Variants in MRTFA observed in about 807,000 individuals in gnomAD.
MRTFA encodes myocardin related transcription factor A.
Under a neutral mutation model 83.5 loss-of-function variants are expected in MRTFA, and 20 were observed. The ratio of observed to expected loss-of-function variants is 0.24; its 90% CI spans 0.17 to 0.35. The LOEUF is 0.35. Ranked by LOEUF, MRTFA falls within the 10% of genes least tolerant of loss-of-function variation. The pLI is 1.00. For missense variants in MRTFA, 1,200 were observed against 1,224.7 expected, an observed-to-expected ratio of 0.98 and a Z score of 0.30; for synonymous variants, 659 against 541.2, an observed-to-expected ratio of 1.22 and a Z score of -3.02.
intron 1 of MRTFA, among the ~76,000 whole-genome samples, chr22:40,602,133 T>TAC (rs1569347540): frequency 2.0e-5 from 3 of 152,216 alleles, no homozygotes; most frequent in Admixed American, 6.5e-5. Flanking sequence ...GAGGGACCTA[T>TAC]ACAAGACTAC....
intron 2 of MRTFA, among the ~76,000 whole-genome samples, chr22:40,553,856 T>C (rs1052071101): frequency 2.6e-5 from 4 of 152,082 alleles, no homozygotes; most frequent in Non-Finnish European, 5.9e-5. Context: ...CATCAGCCCA[T>C]GAAAGCAGCC....
At chr22:40,480,800 G>T (rs9611360) in intron 3 of MRTFA, among the ~76,000 whole-genome samples, 1 of 143,752 alleles carries the variant, frequency 7.0e-6, no homozygotes, top group African/African-American at 2.6e-5. Flanking sequence ...CCAGGCTGGA[G>T]TGCAGTGGCG....
At chr22:40,593,533 A>G (rs1394014311) in intron 2 of MRTFA, among the ~76,000 whole-genome samples, 1 of 152,190 alleles carries the variant, frequency 6.6e-6, no homozygotes, top group Non-Finnish European at 1.5e-5. Flanking sequence ...TACTGACCAC[A>G]CAGATCACAC....
rs1345513573 is a variant in MRTFA at position 40,478,313 on chromosome 22, T to C, written c.242-15027A>G. Among the ~76,000 whole-genome samples, 3 of 152,174 alleles carry C rather than the reference T, an allele frequency of 2.0e-5. 1 individual carries two copies. The highest frequency in any genetic ancestry group is 7.2e-5 in the African/African-American group (3 of 41,410). On this transcript the variant is annotated intron_variant, in intron 3 of 14. Coordinates refer to ENST00000355630, the MANE Select transcript of MRTFA (RefSeq NM_020831.6). ...AATCCAAATGAAGTTTGGAGTTTAC[T>C]TAACAGTAATGTACTAATGTTCATC...
chr22:40,444,303 G>C (rs927002850), intron 4 of MRTFA, among the ~76,000 whole-genome samples: 4 of 152,160 alleles, frequency 2.6e-5, no homozygotes, highest in African/African-American at 9.7e-5. Context: ...AGAGCCCCAG[G>C]AGCCTGTGAG....
intron 3 of MRTFA, among the ~76,000 whole-genome samples, chr22:40,545,478 T>G (rs2147301753): frequency 6.6e-6 from 1 of 152,094 alleles, no homozygotes; most frequent in East Asian, 1.9e-4. Flanking sequence ...TTCCCCAGGC[T>G]GGAGTGCAGT....
At chr22:40,434,164 G>A (rs1478597937) in intron 5 of MRTFA, among the ~76,000 whole-genome samples, 5 of 152,144 alleles carry the variant, frequency 3.3e-5, no homozygotes, top group African/African-American at 1.2e-4. Context: ...CTGCCTATTT[G>A]AGAAGCAGTC....
intron 4 of MRTFA, among the ~76,000 whole-genome samples, chr22:40,437,473 C>A (rs1157441271): frequency 6.6e-6 from 1 of 152,144 alleles, no homozygotes; most frequent in Non-Finnish European, 1.5e-5. Flanking sequence ...ATAAATACTA[C>A]GTATCTGGCT....
At chr22:40,458,757 A>G (rs2053641066) in intron 4 of MRTFA, among the ~76,000 whole-genome samples, 1 of 152,158 alleles carries the variant, frequency 6.6e-6, no homozygotes, top group Non-Finnish European at 1.5e-5. Flanking sequence ...TGTACAACAA[A>G]CTTAAATCTG....
At chr22:40,455,417 CG>C (rs2053564977) in intron 4 of MRTFA, among the ~76,000 whole-genome samples, 1 of 151,704 alleles carries the variant, frequency 6.6e-6, no homozygotes. Flanking sequence ...GAGGCTGAGG[CG>C]GGCGGATCAC....
At chr22:40,532,807 C>T (rs2147278462) in intron 3 of MRTFA, among the ~76,000 whole-genome samples, 1 of 152,254 alleles carries the variant, frequency 6.6e-6, no homozygotes, top group Admixed American at 6.5e-5. Flanking sequence ...GAAGAGGTCC[C>T]CAAATGCCAC....
intron 3 of MRTFA, among the ~76,000 whole-genome samples, chr22:40,550,698 T>G (rs1385106606): frequency 6.6e-6 from 1 of 152,192 alleles, no homozygotes; most frequent in Non-Finnish European, 1.5e-5. Context: ...TATATTCACA[T>G]GGGTAAATAA....
rs1460655710 is a variant in MRTFA at position 40,410,938 on chromosome 22, G to GC, written c.*451_*452insG. The GC allele has an allele frequency of 8.5e-6, 2 of 235,944 alleles. No individual in the cohort carries two copies. The highest frequency in any genetic ancestry group is 1.1e-4 in the Admixed American group (2 of 17,844). 14.6% of individuals were successfully genotyped at this position (235,944 alleles called of 1,614,324 possible). ...TGGGGTTGGCAGACACAGGGAATAG[G>GC]GGGTAGAGGCCCAGGCTAATTTCTC... is the stretch of plus-strand genomic sequence containing the variant. On this transcript the variant is annotated 3_prime_UTR_variant, in exon 15 of 15. Transcript: ENST00000355630.
intron 2 of MRTFA, among the ~76,000 whole-genome samples, chr22:40,572,876 G>A (rs907995243): frequency 6.6e-5 from 10 of 152,058 alleles, no homozygotes; most frequent in East Asian, 1.9e-4. Flanking sequence ...ACTTCCCACC[G>A]GGTTCCTCCC....
chr22:40,468,433 G>A (rs1406058178), intron 3 of MRTFA, among the ~76,000 whole-genome samples: 1 of 151,974 alleles, frequency 6.6e-6, no homozygotes. Context: ...GGTTAGTATG[G>A]GAAGAACAGG....
intron 3 of MRTFA, among the ~76,000 whole-genome samples, chr22:40,466,690 CAAAG>C (rs1364055876): frequency 6.6e-6 from 1 of 152,048 alleles, no homozygotes; most frequent in African/African-American, 2.4e-5. Flanking sequence ...CTGAACACTT[CAAAG>C]AAACAATAAC....
intron 2 of MRTFA, among the ~76,000 whole-genome samples, chr22:40,571,133 C>CAGG (rs1290874531): frequency 6.6e-6 from 1 of 151,078 alleles, no homozygotes; most frequent in Non-Finnish European, 1.5e-5. Context: ...CACCTGAGCC[C>CAGG]AGGAAGGTCA....
At chr22:40,480,743 CTTTT>C (rs758150714) in intron 3 of MRTFA, among the ~76,000 whole-genome samples, 1 of 93,524 alleles carries the variant, frequency 1.1e-5, no homozygotes, top group African/African-American at 4.8e-5. Flanking sequence ...GAGTTCAAGA[CTTTT>C]TTTTTTTTTT....
At chr22:40,527,474 T>A (rs941862151) in intron 3 of MRTFA, among the ~76,000 whole-genome samples, 16 of 151,798 alleles carry the variant, frequency 1.1e-4, no homozygotes, top group African/African-American at 3.6e-4. Flanking sequence ...ATAATGCATG[T>A]GGGCCAGGCG....
Sources: allele counts gnomAD v4.1 joint callset (sites outside exome capture counted in the v4.1 genomes callset), GRCh38; gene constraint gnomAD v4.1.1; transcripts MANE v1.5; gene names NCBI Gene and HGNC (gene_info 2026-07-23, HGNC 2026-07-21).